Variants in EXT1 observed in about 807,000 individuals in gnomAD.
EXT1 encodes exostosin-1.
EXT1 carries 20 observed loss-of-function variants against 82.5 expected under a neutral mutation model. That is an observed-to-expected ratio of 0.24 (90% CI 0.17 to 0.35). The LOEUF (loss-of-function observed/expected upper bound fraction) is 0.35. Among genes scored for constraint, EXT1 ranks in the 10% least tolerant of loss-of-function variants. The probability of loss-of-function intolerance (pLI) is 1.00; values close to 1 mark genes in which losing one functional copy is unlikely to be tolerated. For synonymous variants in EXT1, 348 were observed against 350.8 expected (o/e 0.99, Z 0.09); for missense variants, 757 against 936.5 (o/e 0.81, Z 2.50).
chr8:117,853,563 AT>A (rs1812491230), intron 1 of EXT1, among the ~76,000 whole-genome samples: 1 of 152,210 alleles, frequency 6.6e-6, no homozygotes, highest in Admixed American at 6.5e-5. Context: ...GGCAACGGAC[AT>A]TGACCCACGT....
intron 1 of EXT1, among the ~76,000 whole-genome samples, chr8:117,959,485 A>G (rs1414618076): frequency 6.6e-6 from 1 of 152,212 alleles, no homozygotes; most frequent in Non-Finnish European, 1.5e-5. Context: ...GGAAGAGGAC[A>G]ATGTAACTGA....
Position 117,992,547 on chromosome 8 carries a change from T to C in EXT1, c.962+117538A>G, listed in dbSNP as rs17476240. Reference sequence around the variant, plus strand: ...GATTACTCCACTCCTCAGAGACCCATGAATCTTCTTAACAAAGAAGAGTCT... The same window carrying C: ...GATTACTCCACTCCTCAGAGACCCACGAATCTTCTTAACAAAGAAGAGTCT... On this transcript the variant is annotated intron_variant, in intron 1 of 10. Coordinates refer to ENST00000378204, the MANE Select transcript of EXT1 (RefSeq NM_000127.3). Among the ~76,000 whole-genome samples the C allele has an allele frequency of 6.4e-3, 970 of 151,302 alleles. 9 individuals are homozygous for C. Among genetic ancestry groups the C allele is most frequent in the African/African-American group, 0.023 (933 of 41,174 alleles).
At chr8:117,828,452 G>A (rs1200610842) in intron 4 of EXT1, among the ~76,000 whole-genome samples, 1 of 151,902 alleles carries the variant, frequency 6.6e-6, no homozygotes, top group Non-Finnish European at 1.5e-5. Flanking sequence ...AGAAGACTGA[G>A]GTGGGAGGAT....
At chr8:118,101,758 G>A (rs1253150076) in intron 1 of EXT1, among the ~76,000 whole-genome samples, 1 of 152,160 alleles carries the variant, frequency 6.6e-6, no homozygotes. Context: ...TGTTTATCTA[G>A]GCAGTCATTT....
intron 1 of EXT1, among the ~76,000 whole-genome samples, chr8:117,909,588 T>A (rs1256933175): frequency 6.6e-6 from 1 of 152,150 alleles, no homozygotes; most frequent in African/African-American, 2.4e-5. Flanking sequence ...GAGCAAGGGT[T>A]CCTTGAGAAG....
At chr8:117,845,062 C>G (rs1166225143) in intron 1 of EXT1, among the ~76,000 whole-genome samples, 1 of 152,288 alleles carries the variant, frequency 6.6e-6, no homozygotes, top group African/African-American at 2.4e-5. Flanking sequence ...AATTTATATT[C>G]ACCCTTTCAC....
At position 117,799,816 on chromosome 8, in the gene EXT1, C is replaced by T. The variant is rs767171278; in HGVS notation, c.2137G>A (p.Gly713Ser). ...SCMNTFASWFGYMPLIHSQMR... is the reference protein window; with the variant it reads ...SCMNTFASWFSYMPLIHSQMR... ...TGAGAGTGGATCAGCGGCATGTAGC[C>T]AAACCAGCTGGCAAACGTATTCATG... The change falls in exon 11 of 11, where the codon GGC (glycine) becomes AGC (serine). Residue 713 changes from glycine (G) to serine (S), a missense_variant. This residue lies in a region of EXT1 where 128 missense variants were observed against 223.2 expected (regional missense o/e 0.57). Transcript: ENST00000378204. 1 of 1,614,158 alleles carries T rather than the reference C, an allele frequency of 6.2e-7. No homozygotes were observed. The highest frequency in any genetic ancestry group is 1.3e-5 in the African/African-American group (1 of 75,034).
intron 1 of EXT1, among the ~76,000 whole-genome samples, chr8:117,991,802 T>A (rs1028103189): frequency 2.0e-5 from 3 of 152,206 alleles, no homozygotes; most frequent in Admixed American, 2.0e-4. Flanking sequence ...CCTCAAGTGA[T>A]CCACCCTCCT....
intron 1 of EXT1, among the ~76,000 whole-genome samples, chr8:117,872,217 G>A (rs1454392042): frequency 6.6e-6 from 1 of 152,110 alleles, no homozygotes; most frequent in Non-Finnish European, 1.5e-5. Context: ...ATTTCACTTA[G>A]TCTGTTTTCC....
intron 1 of EXT1, among the ~76,000 whole-genome samples, chr8:117,867,914 A>G (rs1356420345): frequency 6.6e-6 from 1 of 152,162 alleles, no homozygotes; most frequent in African/African-American, 2.4e-5. Flanking sequence ...GTTTACTTCT[A>G]ATAGAGAAGC....
At chr8:117,889,692 G>A in intron 1 of EXT1, among the ~76,000 whole-genome samples, 1 of 152,182 alleles carries the variant, frequency 6.6e-6, no homozygotes, top group East Asian at 1.9e-4. Flanking sequence ...TGGCAGATTA[G>A]ATGTGTTCAT....
intron 1 of EXT1, among the ~76,000 whole-genome samples, chr8:117,999,103 GT>G (rs755339392): frequency 2.3e-4 from 35 of 152,156 alleles, no homozygotes; most frequent in Non-Finnish European, 4.6e-4. Context: ...AAAGTTGGTT[GT>G]TTTAATTTTT....
At chr8:118,090,321 G>A (rs755419668) in intron 1 of EXT1, among the ~76,000 whole-genome samples, 1 of 152,144 alleles carries the variant, frequency 6.6e-6, no homozygotes, top group Non-Finnish European at 1.5e-5. Context: ...TCCAGAGGCC[G>A]AGGTGGGAGG....
intron 1 of EXT1, among the ~76,000 whole-genome samples, chr8:117,884,986 G>T (rs1813122321): frequency 6.6e-6 from 1 of 152,144 alleles, no homozygotes; most frequent in Admixed American, 6.5e-5. Context: ...AGTTAATACA[G>T]GCCTGCTGAT....
chr8:118,014,120 G>A (rs911445608), intron 1 of EXT1, among the ~76,000 whole-genome samples: 6 of 152,192 alleles, frequency 3.9e-5, no homozygotes, highest in Non-Finnish European at 8.8e-5. Context: ...AATATTGACA[G>A]TTTCATTTAT....
At chr8:117,825,023 C>T (rs1811987437) in intron 4 of EXT1, among the ~76,000 whole-genome samples, 1 of 152,040 alleles carries the variant, frequency 6.6e-6, no homozygotes, top group African/African-American at 2.4e-5. Flanking sequence ...AGGGTCACCA[C>T]ACCCAGCTAA....
intron 8 of EXT1, among the ~76,000 whole-genome samples, chr8:117,808,419 A>G (rs1281347428): frequency 6.6e-6 from 1 of 152,224 alleles, no homozygotes; most frequent in Non-Finnish European, 1.5e-5. Flanking sequence ...TAATTTGCTG[A>G]GCTAATAAGT....
At chr8:117,831,081 G>A (rs1395730044) in intron 3 of EXT1, among the ~76,000 whole-genome samples, 1 of 152,146 alleles carries the variant, frequency 6.6e-6, no homozygotes, top group Non-Finnish European at 1.5e-5. Flanking sequence ...TAAGAAATAG[G>A]AGGTGAATAT....
intron 1 of EXT1, among the ~76,000 whole-genome samples, chr8:118,034,536 T>A (rs1484444574): frequency 1.3e-5 from 2 of 151,722 alleles, no homozygotes; most frequent in East Asian, 3.9e-4. Context: ...GCCCTGACAA[T>A]GATGGAAAAG....
Sources: allele counts gnomAD v4.1 joint callset (sites outside exome capture counted in the v4.1 genomes callset), GRCh38; gene constraint gnomAD v4.1.1; regional missense constraint gnomAD v4.1.1; transcripts MANE v1.5; gene names NCBI Gene and HGNC (gene_info 2026-07-23, HGNC 2026-07-21).